Variants in SAMMSON observed in about 807,000 individuals in gnomAD.
SAMMSON encodes the protein survival associated mitochondrial melanoma specific oncogenic non-coding RNA.
chr3:70,147,565 CTTT>C (rs1282351376), intron 4 of SAMMSON, among the ~76,000 whole-genome samples: 29 of 151,954 alleles, frequency 1.9e-4, no homozygotes, highest in Non-Finnish European at 4.4e-5. Flanking sequence ...AAAGCATAGT[CTTT>C]TCAACAAATA....
At chr3:70,058,293 C>A (rs1435021819) in intron 3 of SAMMSON, among the ~76,000 whole-genome samples, 2 of 151,952 alleles carry the variant, frequency 1.3e-5, no homozygotes, top group East Asian at 3.9e-4. Flanking sequence ...ACCTCCTTAG[C>A]ATAAAGCTGC....
intron 3 of SAMMSON, among the ~76,000 whole-genome samples, chr3:70,041,189 A>G (rs138877402): frequency 1.9e-3 from 287 of 152,268 alleles, no homozygotes; most frequent in Middle Eastern, 6.8e-3. Context: ...TCCAGTGTAA[A>G]AAGTTCCCGC....
chr3:70,202,851 T>C (rs544488519), intron 4 of SAMMSON, among the ~76,000 whole-genome samples: 2 of 152,154 alleles, frequency 1.3e-5, no homozygotes, highest in Admixed American at 6.5e-5. Flanking sequence ...GGAGGGAGAA[T>C]CTCTCTCACT....
chr3:70,157,445 T>C (rs1256079996), intron 4 of SAMMSON, among the ~76,000 whole-genome samples: 1 of 152,100 alleles, frequency 6.6e-6, no homozygotes, highest in Non-Finnish European at 1.5e-5. Flanking sequence ...GTGCTTATCA[T>C]TCACATGAGT....
intron 7 of SAMMSON, among the ~76,000 whole-genome samples, chr3:70,339,062 C>A (rs1049668390): frequency 2.0e-5 from 3 of 152,024 alleles, no homozygotes; most frequent in African/African-American, 7.2e-5. Flanking sequence ...AGATATAGAC[C>A]AATGGAACAG....
intron 6 of SAMMSON, among the ~76,000 whole-genome samples, chr3:70,255,157 CAAA>C (rs1575607771): frequency 6.6e-6 from 1 of 152,052 alleles, no homozygotes; most frequent in Non-Finnish European, 1.5e-5. Context: ...CCTTTGGTAT[CAAA>C]GAAGTTAATT....
intron 4 of SAMMSON, among the ~76,000 whole-genome samples, chr3:70,085,920 G>A (rs62253243): frequency 6.6e-6 from 1 of 152,146 alleles, no homozygotes; most frequent in Non-Finnish European, 1.5e-5. Flanking sequence ...CATAGCCTAT[G>A]GCTCTAGGGC....
At chr3:70,285,684 A>T (rs966443504) in intron 6 of SAMMSON, among the ~76,000 whole-genome samples, 34 of 150,038 alleles carry the variant, frequency 2.3e-4, no homozygotes, top group Non-Finnish European at 4.5e-4. Context: ...ACAGTGTAAA[A>T]GTGTTCCTAT....
At chr3:70,237,352 A>G (rs550424597) in intron 4 of SAMMSON, among the ~76,000 whole-genome samples, 4 of 152,276 alleles carry the variant, frequency 2.6e-5, no homozygotes, top group Admixed American at 1.3e-4. Context: ...TTTATTTCCC[A>G]TCCCTCTCAT....
In SAMMSON at chr3:70,254,191, A is replaced by C. The variant is rs76688410; in HGVS notation, n.674+4521A>C. ...TGCTAACTAGTAATGATAAAACATTAGTGTCAATTGCATGATTTTAACAGC... is the reference window on the plus strand; with the variant it reads ...TGCTAACTAGTAATGATAAAACATTCGTGTCAATTGCATGATTTTAACAGC... On this transcript the variant is annotated intron_variant and non_coding_transcript_variant, in intron 6 of 9. Coordinates refer to ENST00000642114, the Ensembl canonical transcript of SAMMSON. 1.0e-3 allele frequency among the ~76,000 whole-genome samples: 155 copies of C among 152,300 alleles called. 2 individuals are homozygous for C. Among genetic ancestry groups the C allele is most frequent in the Non-Finnish European group, 1.7e-3 (116 of 68,014 alleles).
At chr3:70,139,164 G>A (rs1037206167) in intron 4 of SAMMSON, among the ~76,000 whole-genome samples, 5 of 152,102 alleles carry the variant, frequency 3.3e-5, no homozygotes, top group African/African-American at 9.7e-5. Flanking sequence ...TAAAATCTGA[G>A]TAGCTAGGAC....
At chr3:70,224,563 G>A (rs978098677) in intron 4 of SAMMSON, among the ~76,000 whole-genome samples, 2 of 152,086 alleles carry the variant, frequency 1.3e-5, no homozygotes, top group African/African-American at 4.8e-5. Flanking sequence ...TATAATTTCC[G>A]CAATGCTCAC....
chr3:70,304,701 G>A (rs921569251), intron 7 of SAMMSON, among the ~76,000 whole-genome samples: 12 of 152,244 alleles, frequency 7.9e-5, no homozygotes, highest in African/African-American at 2.6e-4. Flanking sequence ...ATGGCCAACA[G>A]CAATACTCTC....
chr3:70,074,069 C>T (rs1179510113), intron 4 of SAMMSON, among the ~76,000 whole-genome samples: 2 of 151,630 alleles, frequency 1.3e-5, no homozygotes, highest in Non-Finnish European at 2.9e-5. Context: ...GAAGCAATGT[C>T]TGTATTATAC....
At chr3:70,253,582 G>A (rs1373071128) in intron 6 of SAMMSON, among the ~76,000 whole-genome samples, 1 of 152,132 alleles carries the variant, frequency 6.6e-6, no homozygotes, top group Non-Finnish European at 1.5e-5. Flanking sequence ...AATTAGCCAG[G>A]TGTGGTGATG....
Position 70,245,671 on chromosome 3 carries a change from TTATATATATATATATATATA to T in SAMMSON, n.508-3411_508-3392del, listed in dbSNP as rs34480688. ...TTGCATAACGTTTTTGCAAACTGCT[TTATATATATATATATATATA>T]TATATATATATATATATATATATAC... On this transcript the variant is annotated intron_variant and non_coding_transcript_variant, in intron 4 of 9. Transcript: ENST00000642114. Among the ~76,000 whole-genome samples, 422 of 57,240 alleles carry T rather than the reference TTATATATATATATATATATA, an allele frequency of 7.4e-3. 12 individuals are homozygous for T. The highest frequency in any genetic ancestry group is 0.047 in the South Asian group (59 of 1,254). The allele number at this position is 57,240 out of a possible 152,430, so 37.6% of individuals were successfully genotyped here.
intron 4 of SAMMSON, among the ~76,000 whole-genome samples, chr3:70,102,013 A>G (rs2067348394): frequency 6.6e-6 from 1 of 152,170 alleles, no homozygotes; most frequent in African/African-American, 2.4e-5. Flanking sequence ...TTCTGTCTTT[A>G]ATATATTTTC....
rs1210128323 is a variant in SAMMSON, at chr3:70,379,154, CA to C, written n.914-10419del. 3.3e-5 allele frequency among the ~76,000 whole-genome samples: 5 copies of C among 152,148 alleles called. No individual in the cohort carries two copies. The East Asian group carries it at 9.7e-4, about 29-fold the overall frequency. ...TCAGCCTCCTGAGTAGCTGGGATTA[CA>C]GGCACGCACCACCACATCTGGCTAA... On this transcript the variant is annotated intron_variant and non_coding_transcript_variant, in intron 9 of 9. Coordinates refer to ENST00000642114, the Ensembl canonical transcript of SAMMSON.
intron 4 of SAMMSON, among the ~76,000 whole-genome samples, chr3:70,124,492 A>G (rs2067447347): frequency 6.6e-6 from 1 of 152,176 alleles, no homozygotes; most frequent in African/African-American, 2.4e-5. Context: ...CTGACATGTA[A>G]GCATTCTTTT....
Sources: allele counts gnomAD v4.1 joint callset (sites outside exome capture counted in the v4.1 genomes callset), GRCh38; gene constraint gnomAD v4.1.1; transcripts MANE v1.5; gene names NCBI Gene and HGNC (gene_info 2026-07-23, HGNC 2026-07-21).